Variants in NAALADL2 observed in about 807,000 individuals in gnomAD.
NAALADL2 encodes the protein inactive N-acetylated-alpha-linked acidic dipeptidase-like protein 2.
In NAALADL2, 76 loss-of-function variants were observed where a neutral mutation model predicts 87.2. The ratio of observed to expected loss-of-function variants is 0.87; its 90% confidence interval spans 0.72 to 1.05. NAALADL2 has a LOEUF of 1.05. Ranked by LOEUF, NAALADL2 falls within the 50% of genes least tolerant of loss-of-function variation. NAALADL2 has a pLI of 0.00. For synonymous variants in NAALADL2, 354 were observed against 331.0 expected (o/e 1.07, Z -0.75); for missense variants, 1,089 against 945.8 (o/e 1.15, Z -1.99).
chr3:175,649,752 G>T (rs1422729034), intron 11 of NAALADL2, among the ~76,000 whole-genome samples: 1 of 152,018 alleles, frequency 6.6e-6, no homozygotes, highest in East Asian at 1.9e-4. Flanking sequence ...CTTCCTTAGA[G>T]GTCCCAGACC....
chr3:175,484,604 T>C (rs111309920), intron 9 of NAALADL2, among the ~76,000 whole-genome samples: 13 of 152,276 alleles, frequency 8.5e-5, no homozygotes, highest in African/African-American at 3.1e-4. Context: ...TTTTATAATG[T>C]ACCCAGTAAA....
intron 9 of NAALADL2, among the ~76,000 whole-genome samples, chr3:175,507,409 G>A (rs1482959155): frequency 6.6e-6 from 1 of 151,974 alleles, no homozygotes; most frequent in East Asian, 1.9e-4. Flanking sequence ...TTATTATTTT[G>A]ATTATTAGGC....
At chr3:175,651,125 A>C (rs902538692) in intron 11 of NAALADL2, among the ~76,000 whole-genome samples, 17 of 152,166 alleles carry the variant, frequency 1.1e-4, no homozygotes, top group African/African-American at 3.4e-4. Context: ...AAATTTTTTT[A>C]GTATTGTGTA....
intron 9 of NAALADL2, among the ~76,000 whole-genome samples, chr3:175,511,075 C>CATATCACATAT (rs1731086122): frequency 6.6e-6 from 1 of 151,984 alleles, no homozygotes; most frequent in Non-Finnish European, 1.5e-5. Context: ...TATGTAAGTC[C>CATATCACATAT]GGGCAATATC....
At chr3:174,610,327 A>T (rs1396290692) in intron 2 of NAALADL2, among the ~76,000 whole-genome samples, 1 of 151,922 alleles carries the variant, frequency 6.6e-6, no homozygotes, top group African/African-American at 2.4e-5. Context: ...GATCTAATTA[A>T]ACTAAAGAGC....
intron 2 of NAALADL2, among the ~76,000 whole-genome samples, chr3:174,608,204 A>G (rs1184342704): frequency 4.6e-5 from 7 of 151,978 alleles, no homozygotes; most frequent in Admixed American, 3.3e-4. Flanking sequence ...AATGCCCACA[A>G]GAGAAAGCAG....
chr3:174,767,857 CAA>C (rs1464278037), intron 3 of NAALADL2, among the ~76,000 whole-genome samples: 1 of 152,212 alleles, frequency 6.6e-6, no homozygotes, highest in South Asian at 2.1e-4. Flanking sequence ...GCAAAGAATG[CAA>C]AGAGAGTTGT....
chr3:174,840,229 G>T (rs1419719440), intron 3 of NAALADL2, among the ~76,000 whole-genome samples: 1 of 151,528 alleles, frequency 6.6e-6, no homozygotes, highest in African/African-American at 2.4e-5. Flanking sequence ...TCTCACTTAT[G>T]CCCTTTCTTG....
intron 3 of NAALADL2, chr3:175,235,841 A>G (rs913920654): frequency 2.6e-5 from 4 of 152,218 alleles, no homozygotes; most frequent in African/African-American, 9.6e-5. Context: ...AACTCATGAA[A>G]CTACAACTTG....
At chr3:174,825,748 C>T (rs1418329733) in intron 3 of NAALADL2, among the ~76,000 whole-genome samples, 1 of 152,232 alleles carries the variant, frequency 6.6e-6, no homozygotes, top group East Asian at 1.9e-4. Context: ...TTTTGAAGGG[C>T]CAGGCACAGT....
chr3:175,588,151 G>T (rs62284492), intron 10 of NAALADL2, among the ~76,000 whole-genome samples: 20,143 of 151,466 alleles, frequency 0.13, 1,481 homozygotes, highest in Middle Eastern at 0.19. Context: ...AGACAGTAAC[G>T]CCTGGTAGGA....
At chr3:174,615,990 G>A (rs9290510) in intron 2 of NAALADL2, among the ~76,000 whole-genome samples, 92,264 of 151,624 alleles carry the variant, frequency 0.61, 28,748 homozygotes, top group East Asian at 0.87. Context: ...GCACAGAAGT[G>A]AATCTGAACA....
chr3:174,586,833 AT>A lies in NAALADL2; in HGVS notation c.-115+36206del, dbSNP rs201328465. On this transcript the variant is annotated intron_variant, in intron 2 of 3. Coordinates refer to the NAALADL2 transcript ENST00000434257. Reference sequence around the variant, plus strand: ...ATAAAAAGGTATGCAACTTTCAGAGATTTTTTTTTTATTATTATACTTTAAG... The same window carrying A: ...ATAAAAAGGTATGCAACTTTCAGAGATTTTTTTTTATTATTATACTTTAAG... 6.0e-3 allele frequency among the ~76,000 whole-genome samples: 909 copies of A among 150,582 alleles called. 9 individuals are homozygous for A. Among genetic ancestry groups the A allele is most frequent in the Non-Finnish European group, 0.01 (680 of 67,520 alleles).
chr3:175,737,534 G>T (rs1744657955), intron 12 of NAALADL2, 135 bp downstream of exon 12: 1 of 585,036 alleles, frequency 1.7e-6, no homozygotes, highest in African/African-American at 1.9e-5. Context: ...CTGATCCTGG[G>T]AAGGACCTGG....
intron 1 of NAALADL2, among the ~76,000 whole-genome samples, chr3:174,912,608 G>A (rs1024936799): frequency 7.9e-5 from 12 of 152,028 alleles, no homozygotes; most frequent in African/African-American, 1.9e-4. Context: ...TCTAGCTTTC[G>A]CAGCCTTTTT....
At chr3:174,603,892 A>T (rs1409890288) in intron 2 of NAALADL2, among the ~76,000 whole-genome samples, 2 of 151,858 alleles carry the variant, frequency 1.3e-5, no homozygotes, top group African/African-American at 4.8e-5. Flanking sequence ...TTTGTTATTC[A>T]TTTCTACTTT....
chr3:174,511,807 C>T (rs1488105562), intron 1 of NAALADL2, among the ~76,000 whole-genome samples: 2 of 151,534 alleles, frequency 1.3e-5, no homozygotes, highest in South Asian at 2.1e-4. Flanking sequence ...TCAGCATGTG[C>T]GTCTTTTTGT....
chr3:175,149,956 A>C (rs931988621), intron 2 of NAALADL2, among the ~76,000 whole-genome samples: 3 of 152,158 alleles, frequency 2.0e-5, no homozygotes, highest in Non-Finnish European at 4.4e-5. Context: ...ATCTGGTAGC[A>C]ACAGGTGCTG....
At chr3:175,408,652 A>G (rs1712884504) in intron 5 of NAALADL2, among the ~76,000 whole-genome samples, 1 of 152,014 alleles carries the variant, frequency 6.6e-6, no homozygotes, top group South Asian at 2.1e-4. Flanking sequence ...GAATAATCAT[A>G]AAGACTGTGT....
Sources: gnomAD v4.1 joint callset for allele counts (sites outside exome capture counted in the v4.1 genomes callset) on GRCh38, gnomAD v4.1.1 for gene constraint, MANE v1.5 for transcripts, NCBI Gene and HGNC (gene_info 2026-07-23, HGNC 2026-07-21) for gene names.